PALM: variants seen among roughly 807,000 people sequenced by gnomAD.
PALM encodes paralemmin, also known as paralemmin-1.
A neutral mutation model predicts 30.7 loss-of-function variants in PALM; 18 were observed. That is an observed-to-expected ratio of 0.59 (90% CI 0.41 to 0.87). The LOEUF (loss-of-function observed/expected upper bound fraction) is 0.87, where lower values mean the gene tolerates loss of function less well. Ranked by LOEUF, PALM falls within the 40% of genes least tolerant of loss-of-function variation. The pLI is 0.00. For synonymous variants in PALM, 286 were observed against 242.8 expected (o/e 1.18, Z -1.66); for missense variants, 529 against 555.4 (o/e 0.95, Z 0.48).
chr19:709,778 T>TC lies in PALM; in HGVS notation c.5+629dup, dbSNP rs2032010322. ...TGAGAAGGGAGAGGAACCGGCGTTT[T>TC]CCAGCGGGGCGCCTGGGTGGGATAC... On this transcript the variant is annotated intron_variant, in intron 1 of 8. Coordinates refer to ENST00000338448, the MANE Select transcript of PALM (RefSeq NM_002579.3). The surrounding 1 kb of genome is among the most constrained non-coding windows in gnomAD (Gnocchi z 4.3). 6.6e-6 allele frequency among the ~76,000 whole-genome samples: 1 copy of TC among 152,102 alleles called. No homozygotes were observed. The highest frequency in any genetic ancestry group is 2.4e-5 in the African/African-American group (1 of 41,414).
At chr19:741,441 G>GAGGGGAGACGGGCTGC (rs2033188303) in intron 8 of PALM, among the ~76,000 whole-genome samples, 1 of 149,676 alleles carries the variant, frequency 6.7e-6, no homozygotes, top group Non-Finnish European at 1.5e-5. Context: ...CTGCAGGGGT[G>GAGGGGAGACGGGCTGC]AGGGGAGACG....
intron 7 of PALM, among the ~76,000 whole-genome samples, chr19:739,030 G>A (rs2033108083): frequency 6.6e-6 from 1 of 152,150 alleles, no homozygotes; most frequent in Non-Finnish European, 1.5e-5. Context: ...GGAGGTGCCT[G>A]GTGATCCCCA....
intron 5 of PALM, among the ~76,000 whole-genome samples, chr19:732,271 C>G (rs1214559523): frequency 6.6e-6 from 1 of 152,190 alleles, no homozygotes; most frequent in Admixed American, 6.5e-5. Context: ...GAACAGTATC[C>G]CCGTGTGATG....
rs1279352869 is a variant in PALM at position 746,407 on chromosome 19, G to A, written c.757G>A (p.Ala253Thr). ...GAGCGAGGCAGGGTCCACGGCCGGGGCGGCAGAGACCCGGGGGGCTGTGGA... is the reference window on the plus strand; with the variant it reads ...GAGCGAGGCAGGGTCCACGGCCGGGACGGCAGAGACCCGGGGGGCTGTGGA... Reference protein sequence around the residue: ...TLSEAGSTAGAAETRGAVEGA... With the variant: ...TLSEAGSTAGTAETRGAVEGA... Residue 253 changes from alanine to threonine, a missense_variant, in exon 9 of 9, where the codon GCG (alanine) becomes ACG (threonine). Ala to Thr is a moderately conservative substitution (Grantham distance 58). Coordinates refer to ENST00000338448, the MANE Select transcript of PALM (RefSeq NM_002579.3). The surrounding 1 kb of genome is among the most constrained non-coding windows in gnomAD (Gnocchi z 7.1). 3 of 1,612,362 alleles carry A rather than the reference G, an allele frequency of 1.9e-6. No homozygotes were observed. Among genetic ancestry groups the A allele is most frequent in the South Asian group, 2.2e-5 (2 of 91,000 alleles).
intron 8 of PALM, among the ~76,000 whole-genome samples, chr19:745,508 A>G (rs2033312538): frequency 6.6e-6 from 1 of 151,844 alleles, no homozygotes; most frequent in Non-Finnish European, 1.5e-5. Flanking sequence ...AGCCTGGCCA[A>G]CATAGTGAAA....
At chr19:718,466 G>T (rs1030525469) in intron 1 of PALM, among the ~76,000 whole-genome samples, 9 of 152,162 alleles carry the variant, frequency 5.9e-5, no homozygotes, top group African/African-American at 1.9e-4. Context: ...GGTTTGCCCT[G>T]AGACCCTGCT....
intron 8 of PALM, among the ~76,000 whole-genome samples, chr19:740,738 C>T (rs951044310): frequency 5.3e-5 from 8 of 152,180 alleles, no homozygotes; most frequent in Non-Finnish European, 1.0e-4. Context: ...GCACCAGGTA[C>T]CCAGCTGGGC....
In PALM at chr19:712,707, T is replaced by G. The variant is rs527912735; in HGVS notation, c.5+3556T>G. Among the ~76,000 whole-genome samples the G allele has an allele frequency of 7.8e-5, 11 of 141,294 alleles. No individual in the cohort carries two copies. In the East Asian group the frequency reaches 2.1e-3, roughly 27 times the overall value. 92.7% of individuals were successfully genotyped at this position (141,294 alleles called of 152,430 possible). On this transcript the variant is annotated intron_variant, in intron 1 of 8. Transcript: ENST00000338448. ...TTTTTTTTATTGGAGACAGAGTCTCTCTCTGTCACCCAGACTGGAGTGCAG... is the reference window on the plus strand; with the variant it reads ...TTTTTTTTATTGGAGACAGAGTCTCGCTCTGTCACCCAGACTGGAGTGCAG...
chr19:745,344 C>T (rs10413116), intron 8 of PALM, among the ~76,000 whole-genome samples: 23,650 of 152,112 alleles, frequency 0.16, 1,960 homozygotes, highest in Admixed American at 0.17. Context: ...ATCTTTACAG[C>T]GGAAATGAAT....
At chr19:725,995 T>C in intron 1 of PALM, 143 bp from the exon 2 acceptor site, 1 of 702,408 alleles carries the variant, frequency 1.4e-6, no homozygotes, top group South Asian at 1.7e-5. Context: ...GGCCCCACTT[T>C]ACAGAAGGGG....
chr19:726,965 G>GGGGGGGGGGCGCGGGC, intron 2 of PALM, 43 bp from the exon 3 acceptor site: 2 of 1,037,612 alleles, frequency 1.9e-6, no homozygotes, highest in African/African-American at 3.3e-5. Context: ...GGGTCTCCGG[G>GGGGGGGGGGCGCGGGC]ACCCCCACGC....
At position 709,048 on chromosome 19, in the gene PALM, C is replaced by A. The variant is rs1415698778; in HGVS notation, c.-99C>A. 1 of 183,970 alleles carries A rather than the reference C, an allele frequency of 5.4e-6. No individual in the cohort carries two copies. The highest frequency in any genetic ancestry group is 1.1e-5 in the Non-Finnish European group (1 of 90,240). The allele number at this position is 183,970 out of a possible 1,614,324, so 11.4% of individuals were successfully genotyped here. On this transcript the variant is annotated 5_prime_UTR_variant, in exon 1 of 9. Coordinates refer to ENST00000338448, the MANE Select transcript of PALM (RefSeq NM_002579.3). The surrounding 1 kb of genome is among the most constrained non-coding windows in gnomAD (Gnocchi z 4.3). Reference sequence around the variant, plus strand: ...GCCGCCAGGCCTTAGCCCGCCCCGGCCCCCGCCAGGCCGCGTCCCCCTCCC... The same window carrying A: ...GCCGCCAGGCCTTAGCCCGCCCCGGACCCCGCCAGGCCGCGTCCCCCTCCC...
intron 8 of PALM, among the ~76,000 whole-genome samples, chr19:745,777 G>A (rs2033320875): frequency 2.0e-5 from 3 of 151,372 alleles, no homozygotes; most frequent in Admixed American, 6.6e-5. Context: ...CCTCATTGTC[G>A]GCTGGGCCTG....
At position 731,098 on chromosome 19, in the gene PALM, G is replaced by A. The variant is rs765662362; in HGVS notation, c.273G>A (p.Leu91=). 2.6e-5 allele frequency: 41 copies of A among 1,584,472 alleles called. No individual in the cohort carries two copies. The highest frequency in any genetic ancestry group is 3.4e-4 in the Middle Eastern group (2 of 5,806). The change falls in exon 5 of 9, where the codon TTG becomes TTA. Residue 91 remains leucine (L), a synonymous_variant. Transcript: ENST00000338448. Reference sequence around the variant, plus strand: ...CACAGGCACACCCTCTCCCCAGGTTGGAGAAGGAAATTGAGGTGCTGGAGC... The same window carrying A: ...CACAGGCACACCCTCTCCCCAGGTTAGAGAAGGAAATTGAGGTGCTGGAGC... The part of the protein sequence containing the change: ...TRLLEDSVSR[L]EKEIEVLERG...
chr19:742,434 G>A lies in PALM; in HGVS notation c.634+1951G>A, dbSNP rs1288696439. Among the ~76,000 whole-genome samples, 4 of 152,000 alleles carry A rather than the reference G, an allele frequency of 2.6e-5. No individual in the cohort carries two copies. In the East Asian group the frequency reaches 7.7e-4, roughly 29 times the overall value. On this transcript the variant is annotated intron_variant, in intron 8 of 8. Coordinates refer to ENST00000338448, the MANE Select transcript of PALM (RefSeq NM_002579.3). The surrounding 1 kb of genome is among the most constrained non-coding windows in gnomAD (Gnocchi z 5.5). Reference sequence around the variant, plus strand: ...AGCCTGGCCAACATGGAGAACCCCCGTCTCTGCTAAAAATACAAAAATTAG... The same window carrying A: ...AGCCTGGCCAACATGGAGAACCCCCATCTCTGCTAAAAATACAAAAATTAG...
At chr19:717,073 G>A (rs1213639451) in intron 1 of PALM, among the ~76,000 whole-genome samples, 1 of 152,100 alleles carries the variant, frequency 6.6e-6, no homozygotes, top group Non-Finnish European at 1.5e-5. Context: ...GAGATTACAG[G>A]CACGTGCCAC....
chr19:732,231 G>A (rs1026297674), intron 5 of PALM, among the ~76,000 whole-genome samples: 2 of 152,298 alleles, frequency 1.3e-5, no homozygotes, highest in South Asian at 2.1e-4. Flanking sequence ...TGTTTCATGT[G>A]GCCAAGGCTC....
chr19:734,671 C>T, intron 6 of PALM: 1 of 168,238 alleles, frequency 5.9e-6, no homozygotes, highest in South Asian at 1.3e-4. Flanking sequence ...CATAGTGAAA[C>T]CCCGTCTCTA....
intron 5 of PALM, 107 bp from the exon 6 acceptor site, chr19:734,066 G>A: frequency 1.1e-6 from 1 of 928,236 alleles, no homozygotes; most frequent in South Asian, 1.4e-5. Context: ...GGGTGCGTAT[G>A]ACGTCACCCA....
Sources: allele counts gnomAD v4.1 joint callset (sites outside exome capture counted in the v4.1 genomes callset), GRCh38; gene constraint gnomAD v4.1.1; non-coding constraint Gnocchi (gnomAD v3.1); transcripts MANE v1.5; gene names NCBI Gene and HGNC (gene_info 2026-07-23, HGNC 2026-07-21).